Variants in ELL2 observed in about 807,000 individuals in gnomAD.
ELL2 encodes the protein RNA polymerase II elongation factor ELL2.
In ELL2, 21 loss-of-function variants were observed where a neutral mutation model predicts 72.8. The ratio of observed to expected loss-of-function variants is 0.29; its 90% CI spans 0.20 to 0.42. ELL2 has a LOEUF of 0.42. Among genes scored for constraint, ELL2 ranks in the 10% least tolerant of loss-of-function variants. The pLI is 1.00. For missense variants in ELL2, 568 were observed against 772.8 expected (o/e 0.73, Z 3.14); for synonymous variants, 266 against 283.2 (o/e 0.94, Z 0.61).
intron 9 of ELL2, among the ~76,000 whole-genome samples, chr5:95,891,992 A>G (rs148676653): frequency 1.6e-3 from 237 of 152,328 alleles, no homozygotes; most frequent in African/African-American, 4.9e-3. Context: ...TATTAGTCCA[A>G]CTTACTTTCT....
In ELL2 at chr5:95,947,351, A is replaced by G. The variant is rs773478494; in HGVS notation, c.148-4302T>C. Among the ~76,000 whole-genome samples, 44 of 152,216 alleles carry G rather than the reference A, an allele frequency of 2.9e-4. 1 individual carries two copies. Among genetic ancestry groups the G allele is most frequent in the Non-Finnish European group, 5.9e-5 (4 of 68,032 alleles). Reference sequence around the variant, plus strand: ...CTTCACAACAATTTAGAAACTTGAAATTTTGACTATATACAATCTTTTTTT... The same window carrying G: ...CTTCACAACAATTTAGAAACTTGAAGTTTTGACTATATACAATCTTTTTTT... On this transcript the variant is annotated intron_variant, in intron 1 of 11. Coordinates refer to ENST00000237853, the MANE Select transcript of ELL2 (RefSeq NM_012081.6).
chr5:95,961,763 C>G lies in ELL2; in HGVS notation c.-42G>C, dbSNP rs1275470826. On this transcript the variant is annotated 5_prime_UTR_variant, in exon 1 of 12. An upstream open reading frame in the 5' UTR loses its in-frame stop. Coordinates refer to ENST00000237853, the MANE Select transcript of ELL2 (RefSeq NM_012081.6). The stretch of plus-strand genomic sequence containing the variant: ...TGCCGCCGCCGCCGCCGCTCCGGCT[C>G]TAGCCTCCACTGCGGCCGCGGCTGC... 2 of 1,548,576 alleles carry G rather than the reference C, an allele frequency of 1.3e-6. No homozygotes were observed. The highest frequency in any genetic ancestry group is 1.7e-6 in the Non-Finnish European group (2 of 1,151,926).
chr5:95,899,785 T>C (rs541408270), intron 7 of ELL2, among the ~76,000 whole-genome samples: 7 of 152,352 alleles, frequency 4.6e-5, no homozygotes, highest in African/African-American at 1.4e-4. Context: ...AGTAGTTTCA[T>C]AATAGTTGGC....
intron 1 of ELL2, among the ~76,000 whole-genome samples, chr5:95,954,642 G>A (rs1475832131): frequency 1.3e-4 from 17 of 128,698 alleles, no homozygotes; most frequent in Non-Finnish European, 2.3e-4. Context: ...GGGTTTCACC[G>A]TGTTAGCCAG....
intron 2 of ELL2, among the ~76,000 whole-genome samples, chr5:95,935,477 C>T (rs1392224733): frequency 6.6e-6 from 1 of 152,176 alleles, no homozygotes; most frequent in Admixed American, 6.5e-5. Context: ...AAAAATTACT[C>T]TTTAAATAGG....
intron 1 of ELL2, among the ~76,000 whole-genome samples, chr5:95,956,441 G>C (rs1355478154): frequency 6.6e-6 from 1 of 152,140 alleles, no homozygotes; most frequent in Non-Finnish European, 1.5e-5. Context: ...TTTAAAAGTG[G>C]AGCAAATAGA....
chr5:95,961,768 C>A lies in ELL2; in HGVS notation c.-47G>T. ...CCGCCGCCGCCGCTCCGGCTCTAGC[C>A]TCCACTGCGGCCGCGGCTGCTTGGG... On this transcript the variant is annotated 5_prime_UTR_variant, in exon 1 of 12. It adds an upstream start codon to the 5' untranslated region. Coordinates refer to ENST00000237853, the MANE Select transcript of ELL2 (RefSeq NM_012081.6). 1 of 1,540,930 alleles carries A rather than the reference C, an allele frequency of 6.5e-7. No individual in the cohort carries two copies. The highest frequency in any genetic ancestry group is 2.4e-5 in the East Asian group (1 of 40,996).
chr5:95,926,438 G>C (rs1359834523), intron 2 of ELL2, among the ~76,000 whole-genome samples: 2 of 152,028 alleles, frequency 1.3e-5, no homozygotes, highest in East Asian at 3.8e-4. Flanking sequence ...CTAGCACAAA[G>C]AGAAATATTG....
rs3777191 is a variant in ELL2 at position 95,911,226 on chromosome 5, A to G, written c.481+2545T>C. Among the ~76,000 whole-genome samples, 112 of 152,370 alleles carry G rather than the reference A, an allele frequency of 7.4e-4. 2 individuals are homozygous for G. The East Asian group carries it at 0.018, about 25-fold the overall frequency. ...AGCTGGCAATGGATAAGGTTAAAAG[A>G]AAAAGATCAAAACATGACCTAACAA... is the stretch of plus-strand genomic sequence containing the variant. On this transcript the variant is annotated intron_variant, in intron 4 of 11. Transcript: ENST00000237853.
intron 1 of ELL2, among the ~76,000 whole-genome samples, chr5:95,950,532 A>G (rs541071127): frequency 2.9e-4 from 44 of 152,266 alleles, no homozygotes; most frequent in Middle Eastern, 3.4e-3. Context: ...ATGATATGAA[A>G]TTTAGAAATA....
At chr5:95,926,001 T>C (rs1259355903) in intron 2 of ELL2, among the ~76,000 whole-genome samples, 1 of 152,234 alleles carries the variant, frequency 6.6e-6, no homozygotes, top group African/African-American at 2.4e-5. Flanking sequence ...CTAGAAAATA[T>C]ACTTTAAGCT....
intron 2 of ELL2, among the ~76,000 whole-genome samples, chr5:95,942,485 T>C (rs1751004135): frequency 6.6e-6 from 1 of 152,202 alleles, no homozygotes; most frequent in Non-Finnish European, 1.5e-5. Context: ...GGCATTATCA[T>C]TTATTGTGCT....
At chr5:95,892,038 G>T (rs1039828366) in intron 9 of ELL2, among the ~76,000 whole-genome samples, 1 of 152,086 alleles carries the variant, frequency 6.6e-6, no homozygotes, top group African/African-American at 2.4e-5. Context: ...ACTTTGGGAT[G>T]TAAATTACTC....
intron 8 of ELL2, among the ~76,000 whole-genome samples, chr5:95,897,282 A>G (rs779692220): frequency 2.3e-4 from 35 of 152,264 alleles, no homozygotes; most frequent in Non-Finnish European, 4.1e-4. Flanking sequence ...AACACTCCTT[A>G]TAACTCTACT....
intron 1 of ELL2, among the ~76,000 whole-genome samples, chr5:95,947,627 G>C (rs564832925): frequency 1.3e-5 from 2 of 152,220 alleles, no homozygotes; most frequent in South Asian, 2.1e-4. Flanking sequence ...TAGGATCACA[G>C]ACCTGGTGAT....
intron 1 of ELL2, among the ~76,000 whole-genome samples, chr5:95,956,666 T>A (rs1055113259): frequency 2.0e-5 from 3 of 152,040 alleles, no homozygotes; most frequent in Non-Finnish European, 4.4e-5. Flanking sequence ...TAAACTATAA[T>A]GAATCAAATG....
chr5:95,918,986 C>T (rs1749941993), intron 3 of ELL2, among the ~76,000 whole-genome samples: 2 of 151,106 alleles, frequency 1.3e-5, no homozygotes, highest in South Asian at 4.2e-4. Flanking sequence ...CTACCTTCTA[C>T]CTTAGAACAT....
chr5:95,939,604 A>G (rs1750897493), intron 2 of ELL2, among the ~76,000 whole-genome samples: 1 of 152,230 alleles, frequency 6.6e-6, no homozygotes, highest in Admixed American at 6.5e-5. Context: ...AGTGTGAAGA[A>G]CAAGACTGTA....
intron 10 of ELL2, among the ~76,000 whole-genome samples, chr5:95,889,711 T>C (rs1748586967): frequency 6.6e-6 from 1 of 152,206 alleles, no homozygotes. Flanking sequence ...ATGGTGTAGC[T>C]TACAAATGAA....
Sources: gnomAD v4.1 joint callset for allele counts (sites outside exome capture counted in the v4.1 genomes callset) on GRCh38, gnomAD v4.1.1 for gene constraint, MANE v1.5 for transcripts, NCBI Gene and HGNC (gene_info 2026-07-23, HGNC 2026-07-21) for gene names.